MGMT: variants seen among roughly 807,000 people sequenced by gnomAD.
MGMT encodes methylated-DNA--protein-cysteine methyltransferase.
Under a neutral mutation model 15.9 loss-of-function variants are expected in MGMT, and 14 were observed. That is an observed-to-expected ratio of 0.88 (90% CI 0.58 to 1.37). The LOEUF (loss-of-function observed/expected upper bound fraction) is 1.37. Ranked by LOEUF, MGMT falls within the 40% of genes most tolerant of loss-of-function variation. The pLI is 0.00. For missense variants in MGMT, 282 were observed against 268.1 expected, an observed-to-expected ratio of 1.05 and a Z score of -0.36; for synonymous variants, 130 against 118.2, an observed-to-expected ratio of 1.10 and a Z score of -0.65.
intron 1 of MGMT, among the ~76,000 whole-genome samples, chr10:129,469,006 A>ATACC (rs1426796366): frequency 1.3e-5 from 2 of 152,214 alleles, no homozygotes; most frequent in Non-Finnish European, 2.9e-5. Context: ...TACATTGGGT[A>ATACC]GCACCTTGTT....
In MGMT at chr10:129,533,366, C is replaced by CCAGGA. The variant is rs1335196664; in HGVS notation, c.-12-2874_-12-2870dup. On this transcript the variant is annotated intron_variant, in intron 1 of 4. Transcript: ENST00000651593. This position sits in a 1 kb window ranked among gnomAD's most constrained non-coding sequence, Gnocchi z 4.5. Reference sequence around the variant, plus strand: ...ACCTGATGCAGGTGCTCGGGGCTGGCCAGGATCCCCACCTGAGTCTGGAGC... The same window carrying CCAGGA: ...ACCTGATGCAGGTGCTCGGGGCTGGCCAGGACAGGATCCCCACCTGAGTCTGGAGC... Among the ~76,000 whole-genome samples the CCAGGA allele has an allele frequency of 3.9e-5, 6 of 152,166 alleles. No homozygotes were observed. Among genetic ancestry groups the CCAGGA allele is most frequent in the Non-Finnish European group, 8.8e-5 (6 of 68,030 alleles).
chr10:129,743,793 T>A (rs1045560111), intron 3 of MGMT, among the ~76,000 whole-genome samples: 1 of 152,184 alleles, frequency 6.6e-6, no homozygotes, highest in Non-Finnish European at 1.5e-5. Context: ...GTATATATAA[T>A]AGTGTGTAAG....
intron 1 of MGMT, 165 bp downstream of exon 1, chr10:129,467,461 C>T: frequency 1.0e-6 from 1 of 979,320 alleles, no homozygotes; most frequent in Non-Finnish European, 1.2e-6. Flanking sequence ...AAGTGCCTCC[C>T]AGGTGTTGCC....
intron 2 of MGMT, among the ~76,000 whole-genome samples, chr10:129,558,696 C>T (rs973108121): frequency 4.6e-5 from 7 of 152,176 alleles, no homozygotes; most frequent in African/African-American, 9.7e-5. Context: ...CTGATGTTGC[C>T]GCCCTGCACG....
chr10:129,483,067 C>G (rs1027716440), intron 1 of MGMT, among the ~76,000 whole-genome samples: 2 of 152,082 alleles, frequency 1.3e-5, no homozygotes, highest in African/African-American at 4.8e-5. Flanking sequence ...TGTTAGCTAT[C>G]TCTCTTCTTT....
intron 2 of MGMT, chr10:129,536,597 A>G (rs549103497): frequency 9.5e-6 from 5 of 525,840 alleles, no homozygotes; most frequent in Non-Finnish European, 9.9e-6. Flanking sequence ...CGATGAACCC[A>G]GGGCCGTTCC....
chr10:129,578,284 A>G (rs985512057), intron 2 of MGMT, among the ~76,000 whole-genome samples: 6 of 152,220 alleles, frequency 3.9e-5, no homozygotes, highest in African/African-American at 1.4e-4. Flanking sequence ...GAACCAACCC[A>G]AATGTCCAAC....
At chr10:129,467,546 C>G in intron 1 of MGMT, 1 of 600,246 alleles carries the variant, frequency 1.7e-6, no homozygotes, top group Non-Finnish European at 2.1e-6. Flanking sequence ...TGGCGGGGGT[C>G]GTGGCAGCCC....
chr10:129,696,438 T>G (rs931713147), intron 2 of MGMT, among the ~76,000 whole-genome samples: 1 of 151,106 alleles, frequency 6.6e-6, no homozygotes, highest in Admixed American at 6.6e-5. Context: ...AAATTGGAAG[T>G]GATGCCCATT....
chr10:129,522,839 C>A (rs1205179937), intron 1 of MGMT, among the ~76,000 whole-genome samples: 1 of 152,194 alleles, frequency 6.6e-6, no homozygotes, highest in Non-Finnish European at 1.5e-5. Flanking sequence ...GCCCCCGGCA[C>A]CTGCTCGGGG....
chr10:129,767,124 T>C lies in MGMT; in HGVS notation c.*127T>C. On this transcript the variant is annotated 3_prime_UTR_variant, in exon 5 of 5. Coordinates refer to ENST00000651593, the MANE Select transcript of MGMT (RefSeq NM_002412.5). ...TGGGAACAAGCGTGTCTGCCCTTTCTGTTTCCATATTTTACAGCAGGATGA... is the reference window on the plus strand; with the variant it reads ...TGGGAACAAGCGTGTCTGCCCTTTCCGTTTCCATATTTTACAGCAGGATGA... 3.7e-6 allele frequency: 3 copies of C among 809,182 alleles called. No homozygotes were observed. The highest frequency in any genetic ancestry group is 5.6e-6 in the Non-Finnish European group (3 of 533,802). The allele number at this position is 809,182 out of a possible 1,614,324, so 50.1% of individuals were successfully genotyped here.
At chr10:129,707,606 G>C (rs1043071471) in intron 2 of MGMT, among the ~76,000 whole-genome samples, 7 of 152,170 alleles carry the variant, frequency 4.6e-5, no homozygotes, top group Non-Finnish European at 1.0e-4. Context: ...AGGTGCAGCC[G>C]TGCCATCTGT....
chr10:129,653,447 T>C (rs1454890398), intron 2 of MGMT, among the ~76,000 whole-genome samples: 1 of 152,218 alleles, frequency 6.6e-6, no homozygotes, highest in Non-Finnish European at 1.5e-5. Flanking sequence ...GTAATTGCCA[T>C]GTGTGTGTAT....
chr10:129,748,742 T>C (rs4750770), intron 3 of MGMT, among the ~76,000 whole-genome samples: 98,404 of 152,036 alleles, frequency 0.65, 33,050 homozygotes, highest in African/African-American at 0.83. Context: ...TTAGTTCCTA[T>C]TGATATCTGC....
chr10:129,609,267 T>G (rs1846930434), intron 2 of MGMT, among the ~76,000 whole-genome samples: 1 of 152,124 alleles, frequency 6.6e-6, no homozygotes, highest in Non-Finnish European at 1.5e-5. Context: ...GGAGGCTGGA[T>G]GGTAGAACTG....
chr10:129,740,433 A>G (rs1318401692), intron 3 of MGMT, among the ~76,000 whole-genome samples: 1 of 152,208 alleles, frequency 6.6e-6, no homozygotes, highest in Non-Finnish European at 1.5e-5. Context: ...ACCAACTACC[A>G]TGTAGTTAAG....
intron 3 of MGMT, chr10:129,715,419 A>G (rs760388276): frequency 6.6e-6 from 1 of 152,186 alleles, no homozygotes; most frequent in Non-Finnish European, 1.5e-5. Context: ...ATAAATTTTC[A>G]TTTTAAATGG....
chr10:129,594,021 T>C (rs1564862632), intron 2 of MGMT, among the ~76,000 whole-genome samples: 1 of 152,204 alleles, frequency 6.6e-6, no homozygotes, highest in Non-Finnish European at 1.5e-5. Context: ...TGAGCTGGAC[T>C]GAGATGGTTG....
intron 4 of MGMT, among the ~76,000 whole-genome samples, chr10:129,763,684 A>G (rs1010261757): frequency 6.6e-6 from 1 of 152,202 alleles, no homozygotes; most frequent in African/African-American, 2.4e-5. Context: ...TTAAATGCCT[A>G]CCTCTTTATC....
Sources: allele counts gnomAD v4.1 joint callset (sites outside exome capture counted in the v4.1 genomes callset), GRCh38; gene constraint gnomAD v4.1.1; non-coding constraint Gnocchi (gnomAD v3.1); transcripts MANE v1.5; gene names NCBI Gene and HGNC (gene_info 2026-07-23, HGNC 2026-07-21).